The following C1orf159 variants were observed in gnomAD, a reference collection of about 807,000 sequenced individuals.
C1orf159 encodes uncharacterized protein C1orf159.
In C1orf159, 19 loss-of-function variants were observed where a neutral mutation model predicts 25.6. The observed-to-expected ratio is 0.74, with a 90% CI of 0.52 to 1.09. The LOEUF is 1.09. Among genes scored for constraint, C1orf159 ranks in the 50% least tolerant of loss-of-function variants. The pLI is 0.00. For missense variants in C1orf159, 274 were observed against 290.6 expected, an observed-to-expected ratio of 0.94 and a Z score of 0.42; for synonymous variants, 139 against 124.7, an observed-to-expected ratio of 1.12 and a Z score of -0.77.
intron 7 of C1orf159, among the ~76,000 whole-genome samples, chr1:1,085,016 T>G (rs1416009821): frequency 6.6e-6 from 1 of 152,146 alleles, no homozygotes; most frequent in Non-Finnish European, 1.5e-5. Context: ...GACCAAGCCC[T>G]GAGCCCTGCT....
rs973799389 is a variant in C1orf159, at chr1:1,082,963, C to T, written c.527G>A (p.Arg176Gln). The T allele has an allele frequency of 1.2e-5, 20 of 1,601,768 alleles. No homozygotes were observed. The highest frequency in any genetic ancestry group is 3.4e-5 in the South Asian group (3 of 89,016). Residue 176 changes from arginine (R) to glutamine (Q), a missense_variant, in exon 10 of 10, where the codon CGG (arginine) becomes CAG (glutamine). By Grantham distance (43) the Arg-to-Gln change is conservative (BLOSUM62 1). Transcript: ENST00000421241. ...CGTGGCCCTGTCCAGGGGCCGCTCC[C>T]GCCTGACGTAGCGCGGCTTCCGTAC... ...SSVRKPRYVRRERPLDRATDP... is the reference protein window; with the variant it reads ...SSVRKPRYVRQERPLDRATDP...
At chr1:1,112,635 G>C (rs1429741070) in intron 1 of C1orf159, among the ~76,000 whole-genome samples, 1 of 151,548 alleles carries the variant, frequency 6.6e-6, no homozygotes, top group Non-Finnish European at 1.5e-5. Context: ...AACACACCGG[G>C]CATGCTCCCT....
intron 1 of C1orf159, among the ~76,000 whole-genome samples, chr1:1,104,048 C>T (rs757777289): frequency 1.2e-4 from 19 of 152,056 alleles, no homozygotes; most frequent in East Asian, 3.9e-4. Context: ...AGTGCAGTGG[C>T]GCAATCTCAG....
chr1:1,103,806 C>A (rs1646135600), intron 1 of C1orf159, among the ~76,000 whole-genome samples: 1 of 152,160 alleles, frequency 6.6e-6, no homozygotes. Context: ...ATCCTCTCAC[C>A]CCGGCCTCCT....
In C1orf159 at chr1:1,090,442, G is replaced by A. The variant is rs565080850; in HGVS notation, c.73-14C>T. The A allele has an allele frequency of 2.9e-5, 45 of 1,550,272 alleles. No individual in the cohort carries two copies. The South Asian group carries it at 4.0e-4, about 14-fold the overall frequency. On this transcript the variant is annotated splice_polypyrimidine_tract_variant and intron_variant, in intron 3 of 9. Transcript: ENST00000421241. ...GGGCAGCTGGGCCTGGAGGGGACAC[G>A]GCAGTGAAACTCCAGGACGCGCCTG... is the stretch of plus-strand genomic sequence containing the variant.
chr1:1,098,789 T>C (rs1160187090), intron 1 of C1orf159, among the ~76,000 whole-genome samples: 4 of 152,130 alleles, frequency 2.6e-5, no homozygotes, highest in East Asian at 3.9e-4. Flanking sequence ...TTTTTGTATT[T>C]TTAGTATAGA....
At position 1,088,982 on chromosome 1, in the gene C1orf159, G is replaced by A. The variant is rs776915960; in HGVS notation, c.148+1371C>T. Among the ~76,000 whole-genome samples, 300 of 152,364 alleles carry A rather than the reference G, an allele frequency of 2.0e-3. 1 individual carries two copies. The highest frequency in any genetic ancestry group is 3.4e-3 in the Middle Eastern group (1 of 294). Reference sequence around the variant, plus strand: ...CTGGCACAGGGCTCGGGCGACTTCAGCGAGGCTCTGTCTGAGAGTCTCTGC... The same window carrying A: ...CTGGCACAGGGCTCGGGCGACTTCAACGAGGCTCTGTCTGAGAGTCTCTGC... On this transcript the variant is annotated intron_variant, in intron 4 of 9. Transcript: ENST00000421241.
intron 1 of C1orf159, among the ~76,000 whole-genome samples, chr1:1,111,942 C>A (rs919598519): frequency 1.3e-5 from 2 of 152,258 alleles, no homozygotes; most frequent in Non-Finnish European, 2.9e-5. Context: ...ATACCGCAAA[C>A]CCCTTGATGG....
At chr1:1,104,138 C>T (rs1646139175) in intron 1 of C1orf159, among the ~76,000 whole-genome samples, 1 of 152,134 alleles carries the variant, frequency 6.6e-6, no homozygotes, top group South Asian at 2.1e-4. Flanking sequence ...CAGGCACCTG[C>T]CACCACACCT....
chr1:1,112,439 AAC>A (rs1330217051), intron 1 of C1orf159, among the ~76,000 whole-genome samples: 1 of 152,064 alleles, frequency 6.6e-6, no homozygotes, highest in Non-Finnish European at 1.5e-5. Context: ...CCCTCCAGTG[AAC>A]ACACAGCGCA....
intron 3 of C1orf159, chr1:1,091,022 G>T: frequency 6.8e-7 from 1 of 1,478,940 alleles, no homozygotes; most frequent in Non-Finnish European, 9.2e-7. Context: ...AGGGGTGACT[G>T]CGGAGTGCGG....
chr1:1,104,300 T>G (rs1646141415), intron 1 of C1orf159, among the ~76,000 whole-genome samples: 1 of 152,220 alleles, frequency 6.6e-6, no homozygotes, highest in East Asian at 1.9e-4. Flanking sequence ...ACAGTGGACT[T>G]TCTATCAGTG....
At chr1:1,088,971 G>T (rs994073436) in intron 4 of C1orf159, among the ~76,000 whole-genome samples, 1 of 152,202 alleles carries the variant, frequency 6.6e-6, no homozygotes, top group Non-Finnish European at 1.5e-5. Flanking sequence ...CACAGGGCTC[G>T]GGCGACTTCA....
At chr1:1,101,480 A>T (rs11579922) in intron 1 of C1orf159, among the ~76,000 whole-genome samples, 3 of 151,728 alleles carry the variant, frequency 2.0e-5, no homozygotes, top group African/African-American at 7.3e-5. Flanking sequence ...AAGACTGTAT[A>T]AAAAAAAATT....
At chr1:1,098,516 T>C (rs1646040383) in intron 1 of C1orf159, among the ~76,000 whole-genome samples, 1 of 152,264 alleles carries the variant, frequency 6.6e-6, no homozygotes, top group Non-Finnish European at 1.5e-5. Context: ...TCAGAAAGCA[T>C]ACTTTGTATG....
chr1:1,113,795 G>T (rs796498036), intron 1 of C1orf159, among the ~76,000 whole-genome samples: 53 of 152,334 alleles, frequency 3.5e-4, no homozygotes, highest in African/African-American at 1.3e-3. Context: ...GGCTTCCGGG[G>T]TGTTACGTCT....
At chr1:1,088,707 C>G (rs1158894587) in intron 4 of C1orf159, among the ~76,000 whole-genome samples, 1 of 152,156 alleles carries the variant, frequency 6.6e-6, no homozygotes, top group Non-Finnish European at 1.5e-5. Context: ...GACTGCGGTG[C>G]GGCTGCTGGT....
At chr1:1,108,721 A>G (rs1272004447) in intron 1 of C1orf159, among the ~76,000 whole-genome samples, 1 of 30,802 alleles carries the variant, frequency 3.2e-5, no homozygotes, top group African/African-American at 2.4e-4. Flanking sequence ...ACCATGTCTC[A>G]GCAGCACCGT....
rs1345389830 is a variant in C1orf159, at chr1:1,090,346, G to A, written c.148+7C>T. On this transcript the variant is annotated splice_region_variant and intron_variant, in intron 4 of 9. Transcript: ENST00000421241. Reference sequence around the variant, plus strand: ...GTCTGGAATCTGCTTGGGACAAAGCGGCTTACCTGGACCACACAGACTTGC... The same window carrying A: ...GTCTGGAATCTGCTTGGGACAAAGCAGCTTACCTGGACCACACAGACTTGC... The A allele has an allele frequency of 1.0e-5, 16 of 1,550,384 alleles. No individual in the cohort carries two copies. Among genetic ancestry groups the A allele is most frequent in the African/African-American group, 4.1e-5 (3 of 73,048 alleles).
Sources: allele counts gnomAD v4.1 joint callset (sites outside exome capture counted in the v4.1 genomes callset), GRCh38; gene constraint gnomAD v4.1.1; transcripts MANE v1.5; gene names NCBI Gene and HGNC (gene_info 2026-07-23, HGNC 2026-07-21).